CCDC192: variants seen among roughly 807,000 people sequenced by gnomAD.
The protein encoded by CCDC192 is coiled-coil domain-containing protein 192.
In CCDC192 at chr5:127,813,952, A is replaced by G. The variant is rs138949272; in HGVS notation, c.411+15790A>G. Among the ~76,000 whole-genome samples, 355 of 152,336 alleles carry G rather than the reference A, an allele frequency of 2.3e-3. 1 individual carries two copies. The highest frequency in any genetic ancestry group is 8.3e-3 in the African/African-American group (346 of 41,566). On this transcript the variant is annotated intron_variant, in intron 5 of 6. Coordinates refer to ENST00000514853, the MANE Select transcript of CCDC192 (RefSeq NM_001317938.2). The stretch of plus-strand genomic sequence containing the variant: ...GCAAAGGAATGTAAAACCAAAATAA[A>G]TAGTTATTAATTATTCATTCTTCAA...
At chr5:127,928,825 G>T (rs1444563855) in intron 6 of CCDC192, among the ~76,000 whole-genome samples, 21 of 151,876 alleles carry the variant, frequency 1.4e-4, no homozygotes, top group African/African-American at 4.4e-4. Flanking sequence ...GAGTGCAGTG[G>T]CATGATCTTG....
At chr5:127,795,022 G>A (rs1757079303) in intron 3 of CCDC192, among the ~76,000 whole-genome samples, 1 of 152,176 alleles carries the variant, frequency 6.6e-6, no homozygotes, top group Non-Finnish European at 1.5e-5. Context: ...GCCGGACACA[G>A]TGGCTTACAC....
chr5:127,855,595 C>CAATTGACTTTGCCCAATCTATCAGAAG (rs1751030195), intron 5 of CCDC192, among the ~76,000 whole-genome samples: 1 of 152,154 alleles, frequency 6.6e-6, no homozygotes, highest in Non-Finnish European at 1.5e-5. Flanking sequence ...AGAAGGCCTT[C>CAATTGACTTTGCCCAATCTATCAGAAG]AATTGACTTT....
chr5:127,866,167 A>G (rs1486357989), intron 5 of CCDC192, among the ~76,000 whole-genome samples: 1 of 152,206 alleles, frequency 6.6e-6, no homozygotes, highest in African/African-American at 2.4e-5. Context: ...GAGTACCCCA[A>G]GGAAAAAAAA....
At chr5:127,912,919 G>A (rs951298202) in intron 6 of CCDC192, among the ~76,000 whole-genome samples, 2 of 152,202 alleles carry the variant, frequency 1.3e-5, no homozygotes, top group Admixed American at 6.5e-5. Context: ...TGACACTGTA[G>A]GTGTGTTCTG....
intron 5 of CCDC192, among the ~76,000 whole-genome samples, chr5:127,867,061 C>T (rs1473455231): frequency 2.0e-5 from 3 of 152,272 alleles, no homozygotes; most frequent in African/African-American, 2.4e-5. Context: ...ATTTCACTGC[C>T]TTCGGGGCAG....
At chr5:127,715,270 T>G (rs1445889258) in intron 2 of CCDC192, among the ~76,000 whole-genome samples, 1 of 152,238 alleles carries the variant, frequency 6.6e-6, no homozygotes, top group Non-Finnish European at 1.5e-5. Flanking sequence ...TACATTTAAG[T>G]CTTTAATCCA....
chr5:127,772,850 G>A (rs1260034419), intron 3 of CCDC192, among the ~76,000 whole-genome samples: 2 of 152,040 alleles, frequency 1.3e-5, no homozygotes, highest in Non-Finnish European at 2.9e-5. Flanking sequence ...GATAAAGGGG[G>A]AAAAAGACTC....
chr5:127,718,224 A>G (rs1007400304), intron 2 of CCDC192, among the ~76,000 whole-genome samples: 5 of 152,224 alleles, frequency 3.3e-5, no homozygotes, highest in Admixed American at 3.3e-4. Flanking sequence ...CTTCATGCAA[A>G]TGTGTTCTTT....
intron 2 of CCDC192, among the ~76,000 whole-genome samples, chr5:127,749,365 G>T (rs1281457143): frequency 6.6e-6 from 1 of 152,144 alleles, no homozygotes. Context: ...CATCTATTGA[G>T]ATAATCATGT....
At chr5:127,823,939 A>T (rs887275284) in intron 5 of CCDC192, among the ~76,000 whole-genome samples, 6 of 152,186 alleles carry the variant, frequency 3.9e-5, no homozygotes, top group Non-Finnish European at 7.3e-5. Flanking sequence ...CAAAATGTGC[A>T]GTCCTCATGT....
At chr5:127,822,882 C>A (rs2127023576) in intron 5 of CCDC192, among the ~76,000 whole-genome samples, 1 of 152,300 alleles carries the variant, frequency 6.6e-6, no homozygotes, top group Admixed American at 6.5e-5. Flanking sequence ...CAGTGAGTGA[C>A]ACCTAGCTTC....
intron 5 of CCDC192, among the ~76,000 whole-genome samples, chr5:127,864,975 G>A (rs1286106576): frequency 1.3e-5 from 2 of 152,020 alleles, no homozygotes; most frequent in South Asian, 2.1e-4. Flanking sequence ...GTGAAACCCC[G>A]TCTCTATTAA....
chr5:127,884,369 A>C (rs1580793525), intron 6 of CCDC192, among the ~76,000 whole-genome samples: 1 of 143,816 alleles, frequency 7.0e-6, no homozygotes, highest in Non-Finnish European at 1.5e-5. Flanking sequence ...AAAAAAAAAA[A>C]GAAGAGGGAA....
In CCDC192 at chr5:127,941,463, T is replaced by G. The variant is rs1332534233; in HGVS notation, c.817T>G (p.Leu273Val). 1 of 398,966 alleles carries G rather than the reference T, an allele frequency of 2.5e-6. No homozygotes were observed. Among genetic ancestry groups the G allele is most frequent in the South Asian group, 1.3e-4 (1 of 7,862 alleles). 24.7% of individuals were successfully genotyped at this position (398,966 alleles called of 1,614,324 possible). The change falls in exon 7 of 7, where the codon TTG becomes GTG. Residue 273 changes from leucine to valine, a missense_variant. Physicochemically the swap from Leu to Val is conservative, Grantham distance 32. Coordinates refer to ENST00000514853, the MANE Select transcript of CCDC192 (RefSeq NM_001317938.2). ...CCCACCTGTGGTCTCTGATGAGAAT[T>G]TGTAGATTCCCAATAAGAAAACAAT... is the stretch of plus-strand genomic sequence containing the variant. ...DIPPVVSDEN[L>V] is the part of the protein sequence containing the mutation.
chr5:127,719,202 A>G (rs911560050), intron 2 of CCDC192, among the ~76,000 whole-genome samples: 2 of 152,016 alleles, frequency 1.3e-5, no homozygotes, highest in Non-Finnish European at 2.9e-5. Flanking sequence ...CTCCAATTTC[A>G]TCCATATTGT....
chr5:127,890,797 TATACTC>T (rs1752709517), intron 6 of CCDC192, among the ~76,000 whole-genome samples: 1 of 152,228 alleles, frequency 6.6e-6, no homozygotes, highest in Non-Finnish European at 1.5e-5. Flanking sequence ...CTTTCTTTCT[TATACTC>T]ATATTCCCTG....
chr5:127,816,528 A>G (rs960117683), intron 5 of CCDC192, among the ~76,000 whole-genome samples: 2 of 152,182 alleles, frequency 1.3e-5, no homozygotes, highest in Middle Eastern at 3.2e-3. Flanking sequence ...AGATTTGGAA[A>G]TGGAAGCTGA....
intron 3 of CCDC192, among the ~76,000 whole-genome samples, chr5:127,794,398 T>C (rs1398316856): frequency 6.6e-6 from 1 of 152,158 alleles, no homozygotes; most frequent in Non-Finnish European, 1.5e-5. Flanking sequence ...ATCTGCAAAA[T>C]GGGAGCTATA....
Sources: allele counts gnomAD v4.1 joint callset (sites outside exome capture counted in the v4.1 genomes callset), GRCh38; gene constraint gnomAD v4.1.1; transcripts MANE v1.5; gene names NCBI Gene and HGNC (gene_info 2026-07-23, HGNC 2026-07-21).